Variants in PERM1 observed in about 807,000 individuals in gnomAD.
PERM1 encodes the protein PGC-1 and ERR-induced regulator in muscle protein 1.
A neutral mutation model predicts 44.1 loss-of-function variants in PERM1; 45 were observed. The ratio of observed to expected loss-of-function variants is 1.02; its 90% CI spans 0.80 to 1.31. The LOEUF (loss-of-function observed/expected upper bound fraction) is 1.31, where lower values mean the gene tolerates loss of function less well. Among genes scored for constraint, PERM1 ranks in the 50% most tolerant of loss-of-function variants. The pLI is 0.00. For missense variants in PERM1, 1,189 were observed against 1,106.9 expected, an observed-to-expected ratio of 1.07 and a Z score of -1.05; for synonymous variants, 565 against 477.1, an observed-to-expected ratio of 1.18 and a Z score of -2.40.
At chr1:975,954 A>C in exon 3 of PERM1, 2 of 533,164 alleles carry the variant, frequency 3.8e-6, no homozygotes, top group East Asian at 6.6e-5. Context: ...CCCTCCACCC[A>C]CCCAGACTTT....
At position 976,190 on chromosome 1, in the gene PERM1, G is replaced by A. The variant is rs1446070347; in HGVS notation, c.2355C>T (p.Ser785=). 18 of 1,545,184 alleles carry A rather than the reference G, an allele frequency of 1.2e-5. No homozygotes were observed. In the Admixed American group the frequency reaches 2.4e-4, roughly 21 times the overall value. The change falls in exon 3 of 3, where the codon AGC becomes AGT. Residue 785 remains serine, a synonymous_variant. Transcript: ENST00000433179. ...CTGGCTCCTAGGAGCTGGGGCTGGG[G>A]CTGTGGCTGCGGCGCCCTTGCCCCA... is the stretch of plus-strand genomic sequence containing the variant.
At chr1:980,993 G>T in exon 1 of PERM1, 1 of 1,511,586 alleles carries the variant, frequency 6.6e-7, no homozygotes, top group Non-Finnish European at 8.8e-7. Flanking sequence ...GCCCAGTCCT[G>T]GTCACTCAGC....
upstream of PERM1, among the ~76,000 whole-genome samples, chr1:981,747 C>T (rs1442823788): frequency 6.6e-6 from 1 of 152,258 alleles, no homozygotes; most frequent in Admixed American, 6.5e-5. Context: ...TCGGGCCGTC[C>T]TCGAGGTCTG....
At chr1:979,226 C>T in exon 1 of PERM1, 2 of 1,550,140 alleles carry the variant, frequency 1.3e-6, no homozygotes, top group East Asian at 4.9e-5. Flanking sequence ...TGACCGGCCG[C>T]TGCCGCCTCA....
At position 979,192 on chromosome 1, in the gene PERM1, G is replaced by A. The variant is rs528106044; in HGVS notation, c.1838C>T (p.Pro613Leu). ...TGGGAAGAAGAACTCGCACATGTCC[G>A]GCCACTGGACGCCTGCCGGATCCTG... Residue 613 changes from proline to leucine, a missense_variant, in exon 1 of 3, where the codon CCG (proline) becomes CTG (leucine). By Grantham distance (98) the Pro-to-Leu change is moderately conservative. This residue lies in a region of PERM1 where 900 missense variants were observed against 760.4 expected (regional missense o/e 1.18). Coordinates refer to ENST00000433179, the Ensembl canonical transcript of PERM1. 1.1e-4 allele frequency: 177 copies of A among 1,550,144 alleles called. No individual in the cohort carries two copies. The East Asian group carries it at 3.2e-3, about 28-fold the overall frequency.
intron 1 of PERM1, among the ~76,000 whole-genome samples, chr1:978,352 T>A (rs1251866406): frequency 6.7e-6 from 1 of 148,760 alleles, no homozygotes; most frequent in African/African-American, 2.5e-5. Context: ...TGGACACGTC[T>A]TCCTGAGAAC....
exon 3 of PERM1, chr1:976,212 C>G (rs1399209736): frequency 5.2e-6 from 8 of 1,541,094 alleles, no homozygotes; most frequent in Non-Finnish European, 7.0e-6. Context: ...GCGCCCTTGC[C>G]CCACCTGCCG....
chr1:982,064 C>T, upstream of PERM1: 4 of 1,288,452 alleles, frequency 3.1e-6, no homozygotes, highest in Non-Finnish European at 3.0e-6. Flanking sequence ...CCATGTCCTA[C>T]CTGGGTCCCG....
chr1:979,352 G>A (rs1346229412), exon 1 of PERM1: 7 of 1,515,064 alleles, frequency 4.6e-6, no homozygotes, highest in Non-Finnish European at 6.2e-6. Flanking sequence ...GGGGGGCGAG[G>A]CAGGTGCTTG....
Position 976,722 on chromosome 1 carries a change from C to T in PERM1, c.2150-98G>A, listed in dbSNP as rs1643625879. On this transcript the variant is annotated intron_variant, in intron 1 of 2. Coordinates refer to ENST00000433179, the Ensembl canonical transcript of PERM1. ...CGCCTGCCCCCACCCCCACCAACCC[C>T]GGGAACCGCCTCCCACTCCCCCCGC... 6 of 1,397,412 alleles carry T rather than the reference C, an allele frequency of 4.3e-6. 1 individual carries two copies. 86.6% of individuals were successfully genotyped at this position (1,397,412 alleles called of 1,614,324 possible). A position where few individuals can be genotyped will look rare whatever the true frequency, so the allele number is the denominator to read the frequency against.
At position 978,822 on chromosome 1, in the gene PERM1, G is replaced by A; in HGVS notation, c.2149+59C>T. On this transcript the variant is annotated intron_variant, in intron 1 of 2. Coordinates refer to ENST00000433179, the Ensembl canonical transcript of PERM1. The stretch of plus-strand genomic sequence containing the variant: ...CCCCTGCGGCCCCCTGCTTGGCCAA[G>A]ATCCCTGGACAGTGTGTGCCTGGGA... 6 of 1,392,234 alleles carry A rather than the reference G, an allele frequency of 4.3e-6. No individual in the cohort carries two copies. The South Asian group carries it at 8.1e-5, about 19-fold the overall frequency. 86.2% of individuals were successfully genotyped at this position (1,392,234 alleles called of 1,614,324 possible).
exon 1 of PERM1, chr1:980,926 C>G (rs1179622990): frequency 7.0e-7 from 1 of 1,422,756 alleles, no homozygotes; most frequent in Non-Finnish European, 9.1e-7. Flanking sequence ...GAGCTCGTCC[C>G]CAGAGGCCAG....
At chr1:979,387 G>T in exon 1 of PERM1, 1 of 1,508,312 alleles carries the variant, frequency 6.6e-7, no homozygotes, top group Non-Finnish European at 8.9e-7. Context: ...GTGGGGCCGG[G>T]GCCCGACAGC....
At chr1:980,561 G>T in exon 1 of PERM1, 1 of 1,458,758 alleles carries the variant, frequency 6.9e-7, no homozygotes, top group Non-Finnish European at 9.0e-7. Flanking sequence ...GGGGACTTGG[G>T]ACTCCCAGGG....
exon 2 of PERM1, chr1:976,512 G>A (rs1464009235): frequency 1.2e-5 from 19 of 1,549,422 alleles, no homozygotes; most frequent in Admixed American, 2.0e-5. Context: ...TTTTCCAGGC[G>A]TCTGGGGTAT....
At chr1:981,183 A>G, upstream of PERM1, 1 of 1,546,510 alleles carries the variant, frequency 6.5e-7, no homozygotes, top group Non-Finnish European at 8.7e-7. Context: ...CCTGAAAGGA[A>G]GAGAACAGCA....
downstream of PERM1, chr1:975,199 AAAAAG>A (rs1643553352): frequency 1.3e-5 from 2 of 152,530 alleles, no homozygotes; most frequent in South Asian, 2.1e-4. Flanking sequence ...AGGAAGAAAG[AAAAAG>A]AAAAGATAGA....
At chr1:976,421 C>G in intron 2 of PERM1, 78 bp downstream of exon 3, 1 of 1,544,664 alleles carries the variant, frequency 6.5e-7, no homozygotes, top group Non-Finnish European at 8.7e-7. Flanking sequence ...CCCCGGGGCC[C>G]CCGTGCACCC....
chr1:976,403 G>A, intron 2 of PERM1, 96 bp downstream of exon 3: 1 of 1,533,724 alleles, frequency 6.5e-7, no homozygotes, highest in Non-Finnish European at 8.8e-7. Flanking sequence ...GAGCAGGTCA[G>A]GGGTGAGCCC....
Sources: gnomAD v4.1 joint callset for allele counts (sites outside exome capture counted in the v4.1 genomes callset) on GRCh38, gnomAD v4.1.1 for gene constraint, gnomAD v4.1.1 regional missense constraint, MANE v1.5 for transcripts, NCBI Gene and HGNC (gene_info 2026-07-23, HGNC 2026-07-21) for gene names.